The following ENO4 variants were observed in gnomAD, a reference collection of about 807,000 sequenced individuals.
ENO4 encodes the protein enolase 4.
Under a neutral mutation model 63.2 loss-of-function variants are expected in ENO4, and 53 were observed. The observed-to-expected ratio is 0.84, with a 90% confidence interval of 0.67 to 1.05. The LOEUF (loss-of-function observed/expected upper bound fraction) is 1.05, where lower values mean the gene tolerates loss of function less well. Among genes scored for constraint, ENO4 ranks in the 50% least tolerant of loss-of-function variants. ENO4 has a pLI of 0.00. For missense variants in ENO4, 719 were observed against 772.0 expected, an observed-to-expected ratio of 0.93 and a Z score of 0.81; for synonymous variants, 266 against 283.8, an observed-to-expected ratio of 0.94 and a Z score of 0.63.
At chr10:116,863,416 T>C (rs1846470914) in intron 7 of ENO4, among the ~76,000 whole-genome samples, 1 of 151,728 alleles carries the variant, frequency 6.6e-6, no homozygotes, top group South Asian at 2.1e-4. Context: ...GGAATACCTC[T>C]CACCCAGTTT....
At chr10:116,881,210 C>T (rs1846998511) in intron 13 of ENO4, among the ~76,000 whole-genome samples, 1 of 152,290 alleles carries the variant, frequency 6.6e-6, no homozygotes, top group African/African-American at 2.4e-5. Context: ...CTAATACTGG[C>T]CTTTCCCCCA....
intron 1 of ENO4, among the ~76,000 whole-genome samples, chr10:116,851,997 T>A (rs1846102210): frequency 6.6e-6 from 1 of 152,166 alleles, no homozygotes; most frequent in South Asian, 2.1e-4. Context: ...TGAATTGTAC[T>A]GCTCATAATC....
In ENO4 at chr10:116,893,576, G is replaced by GCGCGCACACACACACACACACA. The variant is rs1554905664; in HGVS notation, c.1194+13591_1194+13592insGCGCACACACACACACACACAC. Among the ~76,000 whole-genome samples, 30 of 123,594 alleles carry GCGCGCACACACACACACACACA rather than the reference G, an allele frequency of 2.4e-4. No homozygotes were observed. In the East Asian group the frequency reaches 7.1e-3, roughly 29 times the overall value. 81.1% of individuals were successfully genotyped at this position (123,594 alleles called of 152,430 possible). On this transcript the variant is annotated intron_variant, in intron 10 of 10. Coordinates refer to the ENO4 transcript ENST00000369207. ...CCCCCTCCCTGATAGGCACTCATGTGCACACACACACACACACACACGAGA... is the reference window on the plus strand; with the variant it reads ...CCCCCTCCCTGATAGGCACTCATGTGCGCGCACACACACACACACACACACACACACACACACACACACGAGA...
intron 7 of ENO4, among the ~76,000 whole-genome samples, chr10:116,866,394 T>G (rs1324936235): frequency 1.3e-5 from 2 of 152,240 alleles, no homozygotes; most frequent in Non-Finnish European, 2.9e-5. Context: ...TTAAAGATTA[T>G]GTAGTGTAGC....
At chr10:116,892,435 A>G (rs1226077973) in intron 10 of ENO4, among the ~76,000 whole-genome samples, 1 of 152,198 alleles carries the variant, frequency 6.6e-6, no homozygotes, top group Admixed American at 6.5e-5. Flanking sequence ...TCTGCACAAC[A>G]TTAAGTCATC....
At chr10:116,894,817 C>T (rs1564862399) in intron 10 of ENO4, among the ~76,000 whole-genome samples, 1 of 152,124 alleles carries the variant, frequency 6.6e-6, no homozygotes, top group South Asian at 2.1e-4. Context: ...AGACAAGCAG[C>T]GCCACTTTCA....
Position 116,871,267 on chromosome 10 carries a change from G to C in ENO4, c.1190G>C (p.Cys397Ser), listed in dbSNP as rs769399046. Reference sequence around the variant, plus strand: ...ACAAATCTGCATCTAGCTATCAACTGTGCTGGACATGAGCTGATGGACTAC... The same window carrying C: ...ACAAATCTGCATCTAGCTATCAACTCTGCTGGACATGAGCTGATGGACTAC... ...LGTNLHLAIN[C>S]AGHELMDYNK... The change falls in exon 9 of 14, where the codon TGT becomes TCT. Residue 397 changes from cysteine (C) to serine (S), a missense_variant. Cys to Ser is a moderately radical substitution (Grantham distance 112, BLOSUM62 -1). Coordinates refer to ENST00000341276, the MANE Select transcript of ENO4 (RefSeq NM_001242699.2). 3 of 1,550,320 alleles carry C rather than the reference G, an allele frequency of 1.9e-6. No homozygotes were observed. The South Asian group carries it at 3.6e-5, about 18-fold the overall frequency.
rs1316390078 is a variant in ENO4, at chr10:116,879,993, G to A, written c.1723+7G>A. The stretch of plus-strand genomic sequence containing the variant: ...GTCCAGAATGGAACACTGGGTATGC[G>A]CTGCTTTCTTGCTTTGTTTCCACTT... On this transcript the variant is annotated splice_region_variant and intron_variant, in intron 13 of 13. Transcript: ENST00000341276. 1.0e-5 allele frequency: 16 copies of A among 1,527,972 alleles called. No individual in the cohort carries two copies. Among genetic ancestry groups the A allele is most frequent in the Non-Finnish European group, 1.2e-5 (14 of 1,128,062 alleles). 94.7% of individuals were successfully genotyped at this position (1,527,972 alleles called of 1,614,324 possible). A position where few individuals can be genotyped will look rare whatever the true frequency, so the allele number is the denominator to read the frequency against.
At chr10:116,872,976 TAA>T (rs554614192) in intron 9 of ENO4, among the ~76,000 whole-genome samples, 3 of 149,620 alleles carry the variant, frequency 2.0e-5, no homozygotes, top group South Asian at 4.2e-4. Flanking sequence ...GGCATACCAT[TAA>T]AAAAAAAATT....
rs1846652966 is a variant in ENO4 at position 116,870,267 on chromosome 10, T to G, written c.1048-858T>G. ...AGTGGCAATTTATGGCGAGGGCACA[T>G]CAAGGCTGACTTTGCAGTAGCTGTC... On this transcript the variant is annotated intron_variant, in intron 8 of 13. Transcript: ENST00000341276. 2.0e-5 allele frequency among the ~76,000 whole-genome samples: 3 copies of G among 152,328 alleles called. No homozygotes were observed. In the South Asian group the frequency reaches 6.2e-4, roughly 32 times the overall value.
At chr10:116,879,134 G>C (rs1484990749) in intron 11 of ENO4, among the ~76,000 whole-genome samples, 157 bp from the exon 12 acceptor site, 1 of 152,082 alleles carries the variant, frequency 6.6e-6, no homozygotes, top group African/African-American at 2.4e-5. Flanking sequence ...ACAAAAGCAG[G>C]GCAATAAAAA....
chr10:116,861,250 T>G, intron 6 of ENO4, 60 bp downstream of exon 6: 1 of 409,488 alleles, frequency 2.4e-6, no homozygotes, highest in Non-Finnish European at 3.7e-6. Context: ...TATATATATA[T>G]ATATATACTC....
chr10:116,852,133 G>A (rs1008040406), intron 1 of ENO4, among the ~76,000 whole-genome samples: 1 of 152,098 alleles, frequency 6.6e-6, no homozygotes, highest in Admixed American at 6.5e-5. Flanking sequence ...GGGCTTCCCC[G>A]CTTCACTTTG....
chr10:116,858,808 G>A (rs1846337699), intron 3 of ENO4, among the ~76,000 whole-genome samples, 182 bp from the exon 4 acceptor site: 1 of 152,182 alleles, frequency 6.6e-6, no homozygotes, highest in Non-Finnish European at 1.5e-5. Flanking sequence ...TTCAGTTCTT[G>A]AATGCAGTTT....
intron 2 of ENO4, among the ~76,000 whole-genome samples, chr10:116,856,155 T>C (rs1473614541): frequency 6.6e-6 from 1 of 152,240 alleles, no homozygotes; most frequent in East Asian, 1.9e-4. Flanking sequence ...TTCGTTTTAA[T>C]TCACTTTGCT....
At chr10:116,855,457 T>C (rs988000645) in intron 1 of ENO4, among the ~76,000 whole-genome samples, 166 bp from the exon 2 acceptor site, 1 of 152,194 alleles carries the variant, frequency 6.6e-6, no homozygotes, top group Non-Finnish European at 1.5e-5. Flanking sequence ...CTCACAGAAC[T>C]GCTAGTCTAA....
rs1176016607 is a variant in ENO4, at chr10:116,908,413, A to G, written c.1195-3086A>G. ...CTTCTATGTGTAGAAGAGTCACACC[A>G]TAAGGTATGACCAATACTGACAAGA... On this transcript the variant is annotated intron_variant, in intron 10 of 10. Coordinates refer to the ENO4 transcript ENST00000369207. Among the ~76,000 whole-genome samples, 5 of 152,206 alleles carry G rather than the reference A, an allele frequency of 3.3e-5. No homozygotes were observed. In the East Asian group the frequency reaches 9.6e-4, roughly 29 times the overall value.
intron 1 of ENO4, 102 bp from the exon 2 acceptor site, chr10:116,855,520 AT>A (rs1846237095): frequency 5.0e-6 from 7 of 1,410,450 alleles, no homozygotes; most frequent in Non-Finnish European, 6.8e-6. Context: ...ACTAGAGTCA[AT>A]GTGAATGACC....
intron 3 of ENO4, 56 bp from the exon 4 acceptor site, chr10:116,858,934 C>G: frequency 1.6e-6 from 2 of 1,219,324 alleles, no homozygotes; most frequent in Non-Finnish European, 2.3e-6. Context: ...TGACCAAAAT[C>G]ACAGAGTGAT....
Sources: allele counts gnomAD v4.1 joint callset (sites outside exome capture counted in the v4.1 genomes callset), GRCh38; gene constraint gnomAD v4.1.1; transcripts MANE v1.5; gene names NCBI Gene and HGNC (gene_info 2026-07-23, HGNC 2026-07-21).